Variants in CCDC180 observed in about 807,000 individuals in gnomAD.
The protein encoded by CCDC180 is coiled-coil domain containing 180.
Under a neutral mutation model 209.2 loss-of-function variants are expected in CCDC180, and 154 were observed. The observed-to-expected ratio is 0.74, with a 90% CI of 0.65 to 0.84. CCDC180 has a LOEUF of 0.84. Among genes scored for constraint, CCDC180 ranks in the 40% least tolerant of loss-of-function variants. The probability of loss-of-function intolerance (pLI) is 0.00; values close to 1 mark genes in which losing one functional copy is unlikely to be tolerated. For synonymous variants in CCDC180, 778 were observed against 749.1 expected (o/e 1.04, Z -0.63); for missense variants, 1,874 against 1,997.3 (o/e 0.94, Z 1.18).
At chr9:97,353,265 G>A (rs1826475983) in intron 22 of CCDC180, among the ~76,000 whole-genome samples, 1 of 152,088 alleles carries the variant, frequency 6.6e-6, no homozygotes, top group Admixed American at 6.5e-5. Flanking sequence ...CCAAAGTGCT[G>A]GGATTACAGG....
Position 97,367,068 on chromosome 9 carries a change from G to A in CCDC180, c.4189+368G>A, listed in dbSNP as rs75209571. On this transcript the variant is annotated intron_variant, in intron 31 of 36. Transcript: ENST00000529487. ...ACAGAGTTATGCAATCACCGCTACC[G>A]TCAATTTTAGAAACCCCATCCCCTA... is the stretch of plus-strand genomic sequence containing the variant. Among the ~76,000 whole-genome samples, 830 of 152,164 alleles carry A rather than the reference G, an allele frequency of 5.5e-3. 22 individuals are homozygous for A. In the East Asian group the frequency reaches 0.078, roughly 14 times the overall value.
At chr9:97,324,448 T>A (rs368362983) in intron 13 of CCDC180, among the ~76,000 whole-genome samples, 2 of 152,250 alleles carry the variant, frequency 1.3e-5, no homozygotes, top group East Asian at 1.9e-4. Flanking sequence ...TTTGATTATT[T>A]TCCAGCCATT....
rs1832843495 is a variant in CCDC180 at position 97,307,797 on chromosome 9, C to T, written c.-91C>T. ...ACCGGCCTCCTGCTCGAGTTCAGAG[C>T]TCATCTGAGGTTAGTTTCATCGTTT... On this transcript the variant is annotated 5_prime_UTR_variant, in exon 1 of 37. Transcript: ENST00000529487. The T allele has an allele frequency of 5.6e-6, 9 of 1,614,188 alleles. No homozygotes were observed. Among genetic ancestry groups the T allele is most frequent in the East Asian group, 4.5e-5 (2 of 44,880 alleles).
At chr9:97,323,456 G>A (rs1349571842) in intron 12 of CCDC180, among the ~76,000 whole-genome samples, 1 of 152,198 alleles carries the variant, frequency 6.6e-6, no homozygotes, top group African/African-American at 2.4e-5. Flanking sequence ...TGTTCTCTGG[G>A]TTAGGGGAAC....
intron 19 of CCDC180, 64 bp from the exon 20 acceptor site, chr9:97,347,250 A>G (rs1826284151): frequency 5.4e-6 from 8 of 1,487,492 alleles, no homozygotes; most frequent in Non-Finnish European, 7.2e-6. Flanking sequence ...GGGTCTCCAT[A>G]TGGAAAGACC....
intron 10 of CCDC180, among the ~76,000 whole-genome samples, chr9:97,319,316 A>C (rs1279551799): frequency 6.6e-6 from 1 of 152,216 alleles, no homozygotes; most frequent in Non-Finnish European, 1.5e-5. Flanking sequence ...AAAATTTAAA[A>C]AAGAATTTGG....
chr9:97,323,798 G>T lies in CCDC180; in HGVS notation c.1266G>T (p.Trp422Cys). Residue 422 changes from tryptophan (W) to cysteine (C), a missense_variant, in exon 13 of 37, where the codon TGG (tryptophan) becomes TGT (cysteine). By Grantham distance (215) the Trp-to-Cys change is radical (BLOSUM62 -2). Transcript: ENST00000529487. ...VQNCKKQLLD[W>C]KAFTEEEAET... is the part of the protein sequence containing the mutation. ...CACTCCAGAAGCAGCTGCTGGACTG[G>T]AAAGCCTTCACTGAGGAGGAGGCAG... The T allele has an allele frequency of 6.4e-7, 1 of 1,558,842 alleles. No individual in the cohort carries two copies. The highest frequency in any genetic ancestry group is 2.4e-5 in the East Asian group (1 of 41,642).
chr9:97,374,772 C>T, intron 35 of CCDC180, 124 bp downstream of exon 35: 1 of 695,510 alleles, frequency 1.4e-6, no homozygotes, highest in Non-Finnish European at 2.4e-6. Context: ...GTGTTCTGAG[C>T]CTTAGTTTCC....
rs778435326 is a variant in CCDC180 at position 97,343,374 on chromosome 9, A to C, written c.2309A>C (p.Tyr770Ser). 6.8e-6 allele frequency: 11 copies of C among 1,613,028 alleles called. No homozygotes were observed. In the East Asian group the frequency reaches 2.2e-4, roughly 33 times the overall value. Reference sequence around the variant, plus strand: ...AAGGAAGAGGGTCTAGAGGAGATATACTATGAGGACATGGAGTCCTTCACA... The same window carrying C: ...AAGGAAGAGGGTCTAGAGGAGATATCCTATGAGGACATGGAGTCCTTCACA... ...EDKEEGLEEIYYEDMESFTIS... is the reference protein window; with the variant it reads ...EDKEEGLEEISYEDMESFTIS... Residue 770 changes from tyrosine (Y) to serine (S), a missense_variant, in exon 19 of 37, where the codon TAC becomes TCC. Physicochemically the swap from Tyr to Ser is moderately radical, Grantham distance 144. Coordinates refer to ENST00000529487, the MANE Select transcript of CCDC180 (RefSeq NM_020893.6).
chr9:97,329,405 A>G (rs761363108), intron 16 of CCDC180, among the ~76,000 whole-genome samples: 14 of 152,208 alleles, frequency 9.2e-5, no homozygotes, highest in Non-Finnish European at 1.9e-4. Flanking sequence ...AACACAGAAT[A>G]TCCAAAACTT....
At chr9:97,353,832 C>T (rs995124673) in intron 22 of CCDC180, among the ~76,000 whole-genome samples, 1 of 152,088 alleles carries the variant, frequency 6.6e-6, no homozygotes, top group Non-Finnish European at 1.5e-5. Context: ...TCGTTTCTTC[C>T]TCAGTCTTAC....
chr9:97,372,203 C>T (rs1827120793), intron 34 of CCDC180: 1 of 152,258 alleles, frequency 6.6e-6, no homozygotes, highest in Non-Finnish European at 1.5e-5. Context: ...TATGGCTAGT[C>T]ACTGTAAAAA....
At chr9:97,342,596 AATTC>A (rs1826119306) in intron 18 of CCDC180, among the ~76,000 whole-genome samples, 1 of 152,040 alleles carries the variant, frequency 6.6e-6, no homozygotes, top group African/African-American at 2.4e-5. Flanking sequence ...TGCTTTCTAA[AATTC>A]ATTTTCCTCT....
At chr9:97,331,387 A>G (rs907603718) in intron 18 of CCDC180, among the ~76,000 whole-genome samples, 3 of 152,198 alleles carry the variant, frequency 2.0e-5, no homozygotes, top group Non-Finnish European at 2.9e-5. Flanking sequence ...ATATATATGC[A>G]TGCATGTGTC....
At chr9:97,307,643 T>A, upstream of CCDC180, 1 of 1,238,968 alleles carries the variant, frequency 8.1e-7, no homozygotes, top group African/African-American at 1.5e-5. Context: ...AGAGTTCCAG[T>A]CCCAACCGAC....
rs753357684 is a variant in CCDC180, at chr9:97,371,638, C to A, written c.4532C>A (p.Ala1511Asp). ...RNGQVFITNL[A>D]TFTEKFLLQL... ...GGCCAGGTTTTCATAACCAACTTGG[C>A]CACCTTCACCGAGAAGTTCCTACTG... The change falls in exon 34 of 37, where the codon GCC becomes GAC. Residue 1511 changes from alanine to aspartate, a missense_variant. By Grantham distance (126) the Ala-to-Asp change is moderately radical. Transcript: ENST00000529487. 7 of 1,607,878 alleles carry A rather than the reference C, an allele frequency of 4.4e-6. No homozygotes were observed. In the East Asian group the frequency reaches 1.6e-4, roughly 36 times the overall value.
In CCDC180 at chr9:97,317,138, T is replaced by A; in HGVS notation, c.869T>A (p.Leu290Gln). 1 of 1,613,430 alleles carries A rather than the reference T, an allele frequency of 6.2e-7. No homozygotes were observed. Among genetic ancestry groups the A allele is most frequent in the Non-Finnish European group, 8.5e-7 (1 of 1,179,876 alleles). Residue 290 changes from leucine to glutamine, a missense_variant, in exon 9 of 37, where the codon CTG becomes CAG. By Grantham distance (113) the Leu-to-Gln change is moderately radical (BLOSUM62 -2). Transcript: ENST00000529487. ...TTTGTCAACCTGATGGAGTCCACCC[T>A]GCAGCAGGAGCTGGACAGCCGCCAC... The part of the protein sequence containing the change: ...QLFVNLMEST[L>Q]QQELDSRHRW...
chr9:97,368,934 G>A (rs562270450), intron 31 of CCDC180, among the ~76,000 whole-genome samples: 5 of 152,108 alleles, frequency 3.3e-5, no homozygotes, highest in African/African-American at 1.2e-4. Flanking sequence ...TAAAAGTATT[G>A]GACACAGAAC....
Position 97,366,784 on chromosome 9 carries a change from G to C in CCDC180, c.4189+84G>C. ...AGCTCGGCCTTGGCCTTGTGGCCTG[G>C]ATCCTCCCCTCTGGGGGAGGCAGAA... On this transcript the variant is annotated intron_variant, in intron 31 of 36. Transcript: ENST00000529487. The surrounding 1 kb of genome is among the most constrained non-coding windows in gnomAD (Gnocchi z 4.3). 6.8e-7 allele frequency: 1 copy of C among 1,468,250 alleles called. No individual in the cohort carries two copies. The highest frequency in any genetic ancestry group is 9.2e-7 in the Non-Finnish European group (1 of 1,091,122). The allele number at this position is 1,468,250 out of a possible 1,614,324, so 91.0% of individuals were successfully genotyped here.
Sources: allele counts gnomAD v4.1 joint callset (sites outside exome capture counted in the v4.1 genomes callset), GRCh38; gene constraint gnomAD v4.1.1; non-coding constraint Gnocchi (gnomAD v3.1); transcripts MANE v1.5; gene names NCBI Gene and HGNC (gene_info 2026-07-23, HGNC 2026-07-21).